GRIPAP1: variants seen among roughly 807,000 people sequenced by gnomAD.
GRIPAP1 encodes the protein GRIP1 associated protein 1, also known as GRIP1-associated protein 1.
In GRIPAP1, 14 loss-of-function variants were observed where a neutral mutation model predicts 84.1. The ratio of observed to expected loss-of-function variants is 0.17; its 90% CI spans 0.11 to 0.26. The LOEUF is 0.26. Ranked by LOEUF, GRIPAP1 falls within the 10% of genes least tolerant of loss-of-function variation. The probability of loss-of-function intolerance (pLI) is 1.00; values close to 1 mark genes in which losing one functional copy is unlikely to be tolerated. For missense variants in GRIPAP1, 518 were observed against 674.2 expected (o/e 0.77, Z 2.57); for synonymous variants, 261 against 256.8 (o/e 1.02, Z -0.15).
Position 48,976,021 on chromosome X carries a change from T to G in GRIPAP1, c.2275A>C (p.Ile759Leu). 8.3e-7 allele frequency: 1 copy of G among 1,208,286 alleles called. No homozygotes were observed. The highest frequency in any genetic ancestry group is 1.1e-6 in the Non-Finnish European group (1 of 892,571). ...IIETYVMDSR[I>L]DVSVAAGHTD... ...GGGCCGGGGAGGGGACACTGACCGA[T>G]CCGGCTGTCCATGACGTAGGTCTCA... Residue 759 changes from isoleucine to leucine, a missense_variant, in exon 24 of 26, where the codon ATC becomes CTC. By Grantham distance (5) the Ile-to-Leu change is conservative (BLOSUM62 2). This residue lies in a region of GRIPAP1 where 32 missense variants were observed against 82.4 expected (regional missense o/e 0.39). Coordinates refer to ENST00000376423, the MANE Select transcript of GRIPAP1 (RefSeq NM_020137.5).
At chrX:48,991,453 G>T (rs1369491219) in intron 6 of GRIPAP1, 7 of 183,528 alleles carry the variant, frequency 3.8e-5, no homozygotes, top group South Asian at 1.3e-4. Flanking sequence ...CTAATTTTTT[G>T]ATTTTTTTGT....
chrX:48,989,786 C>G, intron 10 of GRIPAP1, 49 bp downstream of exon 10: 1 of 1,157,109 alleles, frequency 8.6e-7, no homozygotes, highest in Non-Finnish European at 1.2e-6. Flanking sequence ...GTAATCTTCA[C>G]TGGGCACTGT....
intron 13 of GRIPAP1, 78 bp from the exon 14 acceptor site, chrX:48,985,480 C>A: frequency 1.1e-6 from 1 of 884,471 alleles, no homozygotes; most frequent in Non-Finnish European, 1.6e-6. Context: ...CCCCCTAGTT[C>A]CAGGGAAACA....
intron 13 of GRIPAP1, among the ~76,000 whole-genome samples, chrX:48,986,463 C>T (rs2064488420): frequency 9.1e-6 from 1 of 110,390 alleles, no homozygotes. Flanking sequence ...ACAATCTCGG[C>T]TCACTATAAC....
At chrX:48,987,621 G>C (rs2064497987) in intron 13 of GRIPAP1, among the ~76,000 whole-genome samples, 164 bp downstream of exon 13, 1 of 106,036 alleles carries the variant, frequency 9.4e-6, no homozygotes, top group Non-Finnish European at 1.9e-5. Flanking sequence ...AGTAGGGATG[G>C]ATGGCCAGAG....
intron 14 of GRIPAP1, 65 bp downstream of exon 14, chrX:48,985,203 C>G (rs1557063404): frequency 2.5e-5 from 26 of 1,039,924 alleles, no homozygotes; most frequent in Non-Finnish European, 3.5e-5. Flanking sequence ...CTCCACCTTA[C>G]TGGGGACTTC....
chrX:48,994,802 T>C (rs781976066), intron 5 of GRIPAP1, among the ~76,000 whole-genome samples: 2 of 112,123 alleles, frequency 1.8e-5, no homozygotes, highest in African/African-American at 6.5e-5. Flanking sequence ...AATTACTTAA[T>C]CTCCCTGGAA....
intron 18 of GRIPAP1, 29 bp from the exon 19 acceptor site, chrX:48,981,720 G>C (rs2064458337): frequency 8.5e-7 from 1 of 1,170,554 alleles, no homozygotes; most frequent in Non-Finnish European, 1.2e-6. Context: ...CTTAGGCATT[G>C]GCTTGGGAAG....
intron 18 of GRIPAP1, 22 bp from the exon 19 acceptor site, chrX:48,981,713 A>C (rs2064458261): frequency 6.8e-6 from 8 of 1,180,375 alleles, no homozygotes; most frequent in Non-Finnish European, 9.2e-6. Context: ...AAAGCAGCTT[A>C]GGCATTGGCT....
chrX:48,993,932 T>C (rs986922440), intron 5 of GRIPAP1, among the ~76,000 whole-genome samples: 3 of 111,239 alleles, frequency 2.7e-5, no homozygotes, highest in Non-Finnish European at 3.8e-5. Context: ...ACCCCTCTTC[T>C]GTGGAGGGCT....
intron 3 of GRIPAP1, among the ~76,000 whole-genome samples, chrX:48,998,449 G>T (rs1557067435): frequency 1.8e-5 from 2 of 111,954 alleles, no homozygotes; most frequent in Admixed American, 9.5e-5. Context: ...TGAGGCTGGT[G>T]GGGGGACAGG....
intron 15 of GRIPAP1, 122 bp from the exon 16 acceptor site, chrX:48,983,562 T>C: frequency 1.7e-6 from 1 of 582,244 alleles, no homozygotes. Context: ...CTGAACTGGC[T>C]AAGGCACTCA....
intron 10 of GRIPAP1, 40 bp downstream of exon 10, chrX:48,989,795 G>A (rs1557064933): frequency 8.5e-7 from 1 of 1,173,961 alleles, no homozygotes. Flanking sequence ...ACTGGGCACT[G>A]TCCCAATTGT....
At chrX:48,978,048 C>A in intron 22 of GRIPAP1, 1 of 306,913 alleles carries the variant, frequency 3.3e-6, no homozygotes. Context: ...CTACTATGAG[C>A]CACATAATTT....
At chrX:48,982,534 C>T (rs1557062529) in intron 17 of GRIPAP1, among the ~76,000 whole-genome samples, 1 of 112,070 alleles carries the variant, frequency 8.9e-6, no homozygotes, top group African/African-American at 3.2e-5. Context: ...AGCCACCATG[C>T]CCGGCTAATT....
intron 17 of GRIPAP1, 41 bp from the exon 18 acceptor site, chrX:48,981,913 G>A: frequency 1.0e-6 from 1 of 978,578 alleles, no homozygotes; most frequent in Non-Finnish European, 1.4e-6. Flanking sequence ...CCCCCCAGAA[G>A]GTATCATGCC....
chrX:48,993,401 C>T (rs782334067), intron 6 of GRIPAP1, 27 bp downstream of exon 6: 27 of 1,101,287 alleles, frequency 2.5e-5, no homozygotes, highest in East Asian at 3.5e-5. Context: ...CCAATGTCTC[C>T]GCATCCCCAG....
At chrX:48,989,138 A>AATGCAC (rs1315974291) in intron 11 of GRIPAP1, among the ~76,000 whole-genome samples, 1 of 111,176 alleles carries the variant, frequency 9.0e-6, no homozygotes, top group African/African-American at 3.3e-5. Context: ...GAGGATCTCA[A>AATGCAC]ATGCACTCAG....
intron 10 of GRIPAP1, 45 bp downstream of exon 10, chrX:48,989,790 G>T: frequency 8.6e-7 from 1 of 1,163,567 alleles, no homozygotes; most frequent in Non-Finnish European, 1.2e-6. Flanking sequence ...TCTTCACTGG[G>T]CACTGTCCCA....
Sources: gnomAD v4.1 joint callset for allele counts (sites outside exome capture counted in the v4.1 genomes callset) on GRCh38, gnomAD v4.1.1 for gene constraint, gnomAD v4.1.1 regional missense constraint, MANE v1.5 for transcripts, NCBI Gene and HGNC (gene_info 2026-07-23, HGNC 2026-07-21) for gene names.